Variants in GNG12 observed in about 807,000 individuals in gnomAD.
GNG12 encodes the protein G protein subunit gamma 12, also known as guanine nucleotide-binding protein G(I)/G(S)/G(O) subunit gamma-12.
For missense variants in GNG12, 69 were observed against 83.8 expected (o/e 0.82, Z 0.69); for synonymous variants, 28 against 29.7 (o/e 0.94, Z 0.19).
chr1:67,754,530 C>A (rs570766535), intron 2 of GNG12, among the ~76,000 whole-genome samples: 14 of 152,318 alleles, frequency 9.2e-5, no homozygotes, highest in Admixed American at 4.6e-4. Flanking sequence ...AAGCAGCTGG[C>A]CCCTGGATCA....
intron 1 of GNG12, among the ~76,000 whole-genome samples, chr1:67,816,297 G>C (rs554095615): frequency 6.6e-6 from 1 of 152,196 alleles, no homozygotes; most frequent in Non-Finnish European, 1.5e-5. Context: ...CTGGAGCATA[G>C]AGCGTGCTCC....
chr1:67,739,148 T>A (rs929246450), intron 2 of GNG12, among the ~76,000 whole-genome samples: 1 of 152,118 alleles, frequency 6.6e-6, no homozygotes, highest in East Asian at 1.9e-4. Context: ...CATTGCACTC[T>A]AGGCTGGGCA....
intron 2 of GNG12, among the ~76,000 whole-genome samples, chr1:67,753,502 A>G (rs1646551056): frequency 6.6e-6 from 1 of 152,202 alleles, no homozygotes; most frequent in South Asian, 2.1e-4. Flanking sequence ...TTTACTTCAT[A>G]AAGTAAGGAG....
intron 2 of GNG12, among the ~76,000 whole-genome samples, chr1:67,759,350 C>T (rs1646588827): frequency 6.6e-6 from 1 of 152,200 alleles, no homozygotes; most frequent in South Asian, 2.1e-4. Flanking sequence ...AACTATTCAC[C>T]TCAGTAAACA....
chr1:67,802,690 C>T (rs780016140), intron 1 of GNG12, among the ~76,000 whole-genome samples: 41 of 152,208 alleles, frequency 2.7e-4, no homozygotes, highest in Non-Finnish European at 5.0e-4. Flanking sequence ...CTGCTGCATC[C>T]TCTATGCCCC....
At chr1:67,820,442 G>C (rs1389017928) in intron 1 of GNG12, among the ~76,000 whole-genome samples, 1 of 151,828 alleles carries the variant, frequency 6.6e-6, no homozygotes, top group Non-Finnish European at 1.5e-5. Context: ...TGAAGAGACA[G>C]GGCCTTTGTC....
At chr1:67,729,195 T>C (rs1290447364) in intron 2 of GNG12, among the ~76,000 whole-genome samples, 1 of 152,126 alleles carries the variant, frequency 6.6e-6, no homozygotes, top group Non-Finnish European at 1.5e-5. Flanking sequence ...CGAGTGCATG[T>C]TTTTTCCTCA....
At chr1:67,769,896 G>C (rs1264531774) in intron 2 of GNG12, among the ~76,000 whole-genome samples, 4 of 152,170 alleles carry the variant, frequency 2.6e-5, no homozygotes, top group Admixed American at 2.6e-4. Context: ...CAGGAAGCTA[G>C]GTTTGGCTCA....
intron 2 of GNG12, among the ~76,000 whole-genome samples, chr1:67,729,283 T>A (rs1219553918): frequency 6.6e-6 from 1 of 152,212 alleles, no homozygotes; most frequent in Non-Finnish European, 1.5e-5. Flanking sequence ...TGGGGACCTG[T>A]CTGTGAGACC....
chr1:67,759,527 G>A (rs948959017), intron 2 of GNG12, among the ~76,000 whole-genome samples: 2 of 152,090 alleles, frequency 1.3e-5, no homozygotes, highest in African/African-American at 2.4e-5. Context: ...TATAATCTTG[G>A]TGCACCTCAA....
chr1:67,741,727 A>C (rs1397246637), intron 2 of GNG12, among the ~76,000 whole-genome samples: 1 of 152,250 alleles, frequency 6.6e-6, no homozygotes, highest in Non-Finnish European at 1.5e-5. Context: ...CTAAGTCAAA[A>C]GTCCCAAATT....
chr1:67,829,000 A>G (rs555765961), intron 1 of GNG12, among the ~76,000 whole-genome samples: 23 of 152,318 alleles, frequency 1.5e-4, no homozygotes, highest in African/African-American at 5.1e-4. Flanking sequence ...CTATTACGCA[A>G]ATTTTTTTTA....
chr1:67,760,033 G>A (rs1014446414), intron 2 of GNG12, among the ~76,000 whole-genome samples: 1 of 152,228 alleles, frequency 6.6e-6, no homozygotes, highest in African/African-American at 2.4e-5. Context: ...CAGTTGGCGT[G>A]GCAAGGAACA....
At chr1:67,793,210 G>A (rs544654237) in intron 1 of GNG12, among the ~76,000 whole-genome samples, 26 of 152,246 alleles carry the variant, frequency 1.7e-4, no homozygotes, top group Non-Finnish European at 3.2e-4. Context: ...TCTTAATCCT[G>A]ACTCATTTGA....
chr1:67,751,212 C>T (rs1018511377), intron 2 of GNG12, among the ~76,000 whole-genome samples: 3 of 146,228 alleles, frequency 2.1e-5, no homozygotes, highest in Admixed American at 1.4e-4. Context: ...CACACACACA[C>T]GTGCATATAC....
Position 67,743,613 on chromosome 1 carries a change from T to C in GNG12, c.-27+33845A>G, listed in dbSNP as rs1646494227. Among the ~76,000 whole-genome samples the C allele has an allele frequency of 2.0e-5, 3 of 152,310 alleles. No homozygotes were observed. The South Asian group carries it at 6.2e-4, about 32-fold the overall frequency. ...CAGTTTGGGTTTACTCACACCTGCC[T>C]CCATTTGAATTTGCTTCCTGACTGC... On this transcript the variant is annotated intron_variant, in intron 2 of 3. Transcript: ENST00000370982.
intron 2 of GNG12, among the ~76,000 whole-genome samples, chr1:67,761,148 C>T (rs550906317): frequency 2.0e-3 from 297 of 152,226 alleles, no homozygotes; most frequent in Non-Finnish European, 2.4e-3. Flanking sequence ...AGACCTTGGT[C>T]GGTTTTCCTG....
In GNG12 at chr1:67,801,694, A is replaced by G. The variant is rs543589897; in HGVS notation, c.-76-24187T>C. ...AGTGAAAAAGCCTAATTTGGTGGGG[A>G]GTGTCAGACCTCACAGGTTTCCCCA... On this transcript the variant is annotated intron_variant, in intron 1 of 3. Coordinates refer to ENST00000370982, the MANE Select transcript of GNG12 (RefSeq NM_018841.6). Among the ~76,000 whole-genome samples, 9 of 152,242 alleles carry G rather than the reference A, an allele frequency of 5.9e-5. No individual in the cohort carries two copies. The South Asian group carries it at 1.9e-3, about 32-fold the overall frequency.
intron 2 of GNG12, among the ~76,000 whole-genome samples, chr1:67,715,010 CCTATTT>C (rs1364817271): frequency 2.0e-5 from 3 of 152,168 alleles, no homozygotes; most frequent in Non-Finnish European, 4.4e-5. Context: ...GCAGCCTCCA[CCTATTT>C]CAAGCGGTTC....
Sources: gnomAD v4.1 joint callset for allele counts (sites outside exome capture counted in the v4.1 genomes callset) on GRCh38, gnomAD v4.1.1 for gene constraint, MANE v1.5 for transcripts, NCBI Gene and HGNC (gene_info 2026-07-23, HGNC 2026-07-21) for gene names.